PTPRG: variants seen among roughly 807,000 people sequenced by gnomAD.
PTPRG encodes protein tyrosine phosphatase receptor type G, also known as receptor-type tyrosine-protein phosphatase gamma.
In PTPRG, 102 loss-of-function variants were observed where a neutral mutation model predicts 165.3. That is an observed-to-expected ratio of 0.62 (90% CI 0.53 to 0.73). The LOEUF (loss-of-function observed/expected upper bound fraction) is 0.73. PTPRG is among the 30% of genes least tolerant of loss of function. PTPRG has a pLI of 0.00. For missense variants in PTPRG, 1,866 were observed against 1,861.4 expected (o/e 1.00, Z -0.05); for synonymous variants, 675 against 669.5 (o/e 1.01, Z -0.13).
At chr3:61,774,992 C>A (rs1408647537) in intron 2 of PTPRG, among the ~76,000 whole-genome samples, 1 of 152,158 alleles carries the variant, frequency 6.6e-6, no homozygotes, top group African/African-American at 2.4e-5. Flanking sequence ...GAATTCCCAA[C>A]AGGTGACCTC....
rs1038568675 is a variant in PTPRG at position 62,254,623 on chromosome 3, A to G, written c.2468-501A>G. 6.6e-6 allele frequency among the ~76,000 whole-genome samples: 1 copy of G among 152,030 alleles called. No homozygotes were observed. The highest frequency in any genetic ancestry group is 2.4e-5 in the African/African-American group (1 of 41,406). On this transcript the variant is annotated intron_variant, in intron 15 of 29. Transcript: ENST00000474889. The surrounding 1 kb of genome is among the most constrained non-coding windows in gnomAD (Gnocchi z 4.6). ...ATTGTACCCAGAGCCAGCTGGTACAATGGCATCTATCTATAATTGTGTATA... is the reference window on the plus strand; with the variant it reads ...ATTGTACCCAGAGCCAGCTGGTACAGTGGCATCTATCTATAATTGTGTATA...
At chr3:61,988,008 C>G (rs2040803188) in intron 2 of PTPRG, among the ~76,000 whole-genome samples, 1 of 152,138 alleles carries the variant, frequency 6.6e-6, no homozygotes, top group African/African-American at 2.4e-5. Context: ...AGTGAAAAGC[C>G]TATGACAGTT....
intron 2 of PTPRG, among the ~76,000 whole-genome samples, chr3:61,931,514 A>C (rs984649912): frequency 3.3e-5 from 5 of 152,136 alleles, no homozygotes; most frequent in African/African-American, 1.2e-4. Context: ...AGCTAACCTC[A>C]CTGGATCTGC....
chr3:61,919,169 C>T (rs1407418287), intron 2 of PTPRG, among the ~76,000 whole-genome samples: 1 of 152,106 alleles, frequency 6.6e-6, no homozygotes, highest in Non-Finnish European at 1.5e-5. Context: ...TTTGAACTGC[C>T]AAGGAGTACT....
At chr3:61,813,530 GAAA>G (rs1224999320) in intron 2 of PTPRG, among the ~76,000 whole-genome samples, 5 of 122,414 alleles carry the variant, frequency 4.1e-5, no homozygotes, top group Admixed American at 8.5e-5. Context: ...AAAAAAAAAA[GAAA>G]AAAGAAAATC....
chr3:61,765,448 G>C (rs1178114296), intron 2 of PTPRG, among the ~76,000 whole-genome samples: 2 of 152,086 alleles, frequency 1.3e-5, no homozygotes, highest in Non-Finnish European at 2.9e-5. Context: ...TGATCTAAGA[G>C]GCCGTTAGGA....
At chr3:61,991,893 G>A (rs1275660399) in intron 3 of PTPRG, among the ~76,000 whole-genome samples, 2 of 152,182 alleles carry the variant, frequency 1.3e-5, no homozygotes, top group Non-Finnish European at 2.9e-5. Flanking sequence ...GGGTTCACTC[G>A]ATGCAAGCTG....
At chr3:61,937,309 T>C (rs2039504343) in intron 2 of PTPRG, among the ~76,000 whole-genome samples, 2 of 152,204 alleles carry the variant, frequency 1.3e-5, no homozygotes, top group South Asian at 4.1e-4. Flanking sequence ...GGCCATTTCA[T>C]TTTGACCCTG....
At chr3:61,764,414 A>C (rs562262761) in intron 2 of PTPRG, among the ~76,000 whole-genome samples, 36 of 152,228 alleles carry the variant, frequency 2.4e-4, no homozygotes, top group Non-Finnish European at 4.3e-4. Context: ...TACAACAGAG[A>C]ACAAAACATA....
At chr3:62,062,519 A>C (rs1348475893) in intron 4 of PTPRG, among the ~76,000 whole-genome samples, 9 of 152,222 alleles carry the variant, frequency 5.9e-5, no homozygotes, top group Admixed American at 5.9e-4. Flanking sequence ...CTAATTAATG[A>C]GGGACTTGAT....
chr3:61,927,478 T>G (rs1401973326), intron 2 of PTPRG, among the ~76,000 whole-genome samples: 1 of 152,228 alleles, frequency 6.6e-6, no homozygotes, highest in Non-Finnish European at 1.5e-5. Flanking sequence ...TTGGCTGTTT[T>G]GAGAATTGTT....
Position 62,126,352 on chromosome 3 carries a change from T to A in PTPRG, c.616-6250T>A, listed in dbSNP as rs192624122. Among the ~76,000 whole-genome samples the A allele has an allele frequency of 2.8e-4, 42 of 152,334 alleles. No individual in the cohort carries two copies. In the East Asian group the frequency reaches 6.7e-3, roughly 24 times the overall value. ...TGAATCTCAATTCTCTGGAGATGAA[T>A]AACCTGTGAATTAACTAGTTTCCAT... On this transcript the variant is annotated intron_variant, in intron 5 of 29. Transcript: ENST00000474889.
At chr3:61,735,280 C>T (rs1454403259) in intron 1 of PTPRG, among the ~76,000 whole-genome samples, 2 of 152,066 alleles carry the variant, frequency 1.3e-5, no homozygotes, top group East Asian at 3.9e-4. Flanking sequence ...AAATTATTTT[C>T]CTTGAGACTC....
At chr3:62,128,823 C>T (rs1289112621) in intron 5 of PTPRG, among the ~76,000 whole-genome samples, 1 of 149,260 alleles carries the variant, frequency 6.7e-6, no homozygotes, top group Non-Finnish European at 1.5e-5. Context: ...TAGCTTATGC[C>T]CATGAATTTT....
At chr3:61,868,784 T>C (rs1468846196) in intron 2 of PTPRG, among the ~76,000 whole-genome samples, 1 of 152,224 alleles carries the variant, frequency 6.6e-6, no homozygotes, top group Admixed American at 6.5e-5. Flanking sequence ...CCAGGCTCTC[T>C]AGTTCTCATG....
chr3:61,759,459 A>G lies in PTPRG; in HGVS notation c.190+10477A>G, dbSNP rs190624332. On this transcript the variant is annotated intron_variant, in intron 2 of 29. Transcript: ENST00000474889. ...CACTTGAGCCGAGGAGTTCGAGACC[A>G]GCTTGGGAAACAAAGTGAGGACCTG... Among the ~76,000 whole-genome samples the G allele has an allele frequency of 2.6e-5, 4 of 152,092 alleles. No individual in the cohort carries two copies. The East Asian group carries it at 7.7e-4, about 29-fold the overall frequency.
At chr3:62,067,016 G>A (rs1452915960) in intron 4 of PTPRG, among the ~76,000 whole-genome samples, 2 of 135,410 alleles carry the variant, frequency 1.5e-5, no homozygotes, top group African/African-American at 2.8e-5. Context: ...CCAGCTTGGC[G>A]ACAAAGTGAG....
intron 2 of PTPRG, among the ~76,000 whole-genome samples, chr3:61,768,505 G>T (rs994913894): frequency 6.6e-6 from 1 of 152,176 alleles, no homozygotes; most frequent in Non-Finnish European, 1.5e-5. Flanking sequence ...CTAAGTATGG[G>T]TTGTTGCTCG....
intron 2 of PTPRG, among the ~76,000 whole-genome samples, chr3:61,888,042 G>A (rs1222677004): frequency 1.3e-5 from 2 of 152,084 alleles, no homozygotes; most frequent in South Asian, 2.1e-4. Context: ...GCTAAAATAG[G>A]TATTATGTGA....
Sources: gnomAD v4.1 joint callset for allele counts (sites outside exome capture counted in the v4.1 genomes callset) on GRCh38, gnomAD v4.1.1 for gene constraint, Gnocchi (gnomAD v3.1) non-coding constraint, MANE v1.5 for transcripts, NCBI Gene and HGNC (gene_info 2026-07-23, HGNC 2026-07-21) for gene names.